The following GNA11 variants were observed in gnomAD, a reference collection of about 807,000 sequenced individuals.
The protein encoded by GNA11 is guanine nucleotide-binding protein subunit alpha-11.
In GNA11, 8 loss-of-function variants were observed where a neutral mutation model predicts 38.2. That is an observed-to-expected ratio of 0.21 (90% CI 0.12 to 0.38). GNA11 has a LOEUF of 0.38. Ranked by LOEUF, GNA11 falls within the 10% of genes least tolerant of loss-of-function variation. GNA11 has a pLI of 1.00. For synonymous variants in GNA11, 211 were observed against 221.4 expected, an observed-to-expected ratio of 0.95 and a Z score of 0.42; for missense variants, 268 against 516.3, an observed-to-expected ratio of 0.52 and a Z score of 4.66.
Position 3,121,053 on chromosome 19 carries a change from C to A in GNA11, c.954C>A (p.Pro318=), listed in dbSNP as rs755586030. Residue 318 remains proline, a synonymous_variant, in exon 7 of 7, where the codon CCC becomes CCA. Coordinates refer to ENST00000078429, the MANE Select transcript of GNA11 (RefSeq NM_002067.5). ...TGAAGATGTTCGTGGACCTGAACCC[C>A]GACAGCGACAAGATCATCTACTCAC... ...FILKMFVDLN[P]DSDKIIYSHF... The A allele has an allele frequency of 6.2e-7, 1 of 1,613,728 alleles. No homozygotes were observed.
chr19:3,121,694 G>A lies in GNA11; in HGVS notation c.*515G>A, dbSNP rs1035291309. On this transcript the variant is annotated 3_prime_UTR_variant, in exon 7 of 7. Transcript: ENST00000078429. ...ATCACAAAAGGCGTGGAGACTCGGA[G>A]ACGGACGTTTTTCCCCTTTTTTAAG... 8.6e-6 allele frequency: 2 copies of A among 232,804 alleles called. No homozygotes were observed. The highest frequency in any genetic ancestry group is 4.4e-5 in the African/African-American group (2 of 45,264). 14.4% of individuals were successfully genotyped at this position (232,804 alleles called of 1,614,324 possible).
chr19:3,113,179 G>T, intron 2 of GNA11, 151 bp from the exon 3 acceptor site: 1 of 689,248 alleles, frequency 1.5e-6, no homozygotes, highest in Non-Finnish European at 2.5e-6. Context: ...TTTCTGACAC[G>T]TGTTCACACG....
chr19:3,099,014 G>C (rs549192915), intron 1 of GNA11, among the ~76,000 whole-genome samples: 1 of 152,242 alleles, frequency 6.6e-6, no homozygotes, highest in Non-Finnish European at 1.5e-5. Context: ...CCTCCTGCCC[G>C]GCTCTGCCGG....
Position 3,110,108 on chromosome 19 carries a change from G to A in GNA11, c.137-41G>A, listed in dbSNP as rs933651595. 17 of 1,515,974 alleles carry A rather than the reference G, an allele frequency of 1.1e-5. No homozygotes were observed. Among genetic ancestry groups the A allele is most frequent in the Non-Finnish European group, 1.4e-5 (16 of 1,116,060 alleles). The allele number at this position is 1,515,974 out of a possible 1,614,324, so 93.9% of individuals were successfully genotyped here. A position where few individuals can be genotyped will look rare whatever the true frequency, so the allele number is the denominator to read the frequency against. ...AGAGGGGGCAGCAGCACGAGAGTCA[G>A]GCCCCGGCTGCCGCCCGCCCTCACG... On this transcript the variant is annotated intron_variant, in intron 1 of 6. Coordinates refer to ENST00000078429, the MANE Select transcript of GNA11 (RefSeq NM_002067.5). This position sits in a 1 kb window ranked among gnomAD's most constrained non-coding sequence, Gnocchi z 5.4.
rs949077178 is a variant in GNA11 at position 3,122,952 on chromosome 19, C to CT, written c.*1773_*1774insT. ...GACGGGGCTGGCGGGATACCCCCCC[C>CT]CCGGCTTCCCCACACCACTTCTGTC... On this transcript the variant is annotated 3_prime_UTR_variant, in exon 7 of 7. Coordinates refer to ENST00000078429, the MANE Select transcript of GNA11 (RefSeq NM_002067.5). The surrounding 1 kb of genome is among the most constrained non-coding windows in gnomAD (Gnocchi z 7.7). The CT allele has an allele frequency of 4.3e-6, 1 of 233,568 alleles. No individual in the cohort carries two copies. The highest frequency in any genetic ancestry group is 6.0e-5 in the East Asian group (1 of 16,582). The allele number at this position is 233,568 out of a possible 1,614,324, so 14.5% of individuals were successfully genotyped here.
chr19:3,105,924 G>T (rs1006500822), intron 1 of GNA11, among the ~76,000 whole-genome samples: 3 of 152,200 alleles, frequency 2.0e-5, no homozygotes, highest in Non-Finnish European at 2.9e-5. Flanking sequence ...GATGAGGGCC[G>T]GCAAGGGGCT....
At chr19:3,109,282 CA>C (rs1449829029) in intron 1 of GNA11, among the ~76,000 whole-genome samples, 1 of 152,176 alleles carries the variant, frequency 6.6e-6, no homozygotes, top group Non-Finnish European at 1.5e-5. Flanking sequence ...TGAGGACCCC[CA>C]TGTCACCCAG....
At chr19:3,105,956 C>T (rs777528288) in intron 1 of GNA11, among the ~76,000 whole-genome samples, 10 of 152,052 alleles carry the variant, frequency 6.6e-5, no homozygotes, top group East Asian at 5.8e-4. Flanking sequence ...CAGAGTGAGG[C>T]GGCATCTCGG....
At chr19:3,097,804 T>C (rs2145303846) in intron 1 of GNA11, among the ~76,000 whole-genome samples, 1 of 152,110 alleles carries the variant, frequency 6.6e-6, no homozygotes. Flanking sequence ...CGGGGCCCTG[T>C]GCACATTGGT....
chr19:3,111,374 G>C (rs559085976), intron 2 of GNA11, among the ~76,000 whole-genome samples: 1 of 152,142 alleles, frequency 6.6e-6, no homozygotes, highest in Non-Finnish European at 1.5e-5. Flanking sequence ...TGCCTCTGTG[G>C]ATCGGTCTGT....
At chr19:3,113,069 C>T (rs1913814436) in intron 2 of GNA11, among the ~76,000 whole-genome samples, 4 of 152,240 alleles carry the variant, frequency 2.6e-5, no homozygotes, top group African/African-American at 4.8e-5. Flanking sequence ...AGAAGTGAAT[C>T]GAAGCCCGGC....
chr19:3,099,340 C>G (rs1431263500), intron 1 of GNA11, among the ~76,000 whole-genome samples: 1 of 152,222 alleles, frequency 6.6e-6, no homozygotes, highest in East Asian at 1.9e-4. Context: ...CCTTGTATGG[C>G]TTGCCCACCT....
rs762312604 is a variant in GNA11, at chr19:3,123,545, C to T, written c.*2366C>T. 3 of 233,132 alleles carry T rather than the reference C, an allele frequency of 1.3e-5. No individual in the cohort carries two copies. The highest frequency in any genetic ancestry group is 2.5e-5 in the Non-Finnish European group (3 of 118,036). The allele number at this position is 233,132 out of a possible 1,614,324, so 14.4% of individuals were successfully genotyped here. ...TACCTTGGTGAATCTCACCTGCCAA[C>T]GATTTCTCGTGAGTGCCGACCACCT... On this transcript the variant is annotated 3_prime_UTR_variant, in exon 7 of 7. Coordinates refer to ENST00000078429, the MANE Select transcript of GNA11 (RefSeq NM_002067.5).
rs749176772 is a variant in GNA11, at chr19:3,120,952, G to A, written c.890-37G>A. ...GCCCACGAGTCCCTTGCCCTGGGCCGGGCTGGGGCACAGCCTCACCCTCTG... is the reference window on the plus strand; with the variant it reads ...GCCCACGAGTCCCTTGCCCTGGGCCAGGCTGGGGCACAGCCTCACCCTCTG... On this transcript the variant is annotated intron_variant, in intron 6 of 6. Coordinates refer to ENST00000078429, the MANE Select transcript of GNA11 (RefSeq NM_002067.5). The surrounding 1 kb of genome is among the most constrained non-coding windows in gnomAD (Gnocchi z 5.9). 22 of 1,547,256 alleles carry A rather than the reference G, an allele frequency of 1.4e-5. No homozygotes were observed. Among genetic ancestry groups the A allele is most frequent in the Admixed American group, 1.7e-5 (1 of 58,920 alleles).
chr19:3,117,901 A>T lies in GNA11; in HGVS notation c.606-1023A>T, dbSNP rs1263765934. ...GGGGACAAGACACGGGGGGACCCGG[A>T]TCCCAGCCCTGCCGGCCGCCGCAGG... is the stretch of plus-strand genomic sequence containing the variant. On this transcript the variant is annotated intron_variant, in intron 4 of 6. Coordinates refer to ENST00000078429, the MANE Select transcript of GNA11 (RefSeq NM_002067.5). 2 of 152,306 alleles carry T rather than the reference A, an allele frequency of 1.3e-5. 1 individual carries two copies. The highest frequency in any genetic ancestry group is 4.8e-5 in the African/African-American group (2 of 41,462). The allele number at this position is 152,306 out of a possible 1,614,324, so 9.4% of individuals were successfully genotyped here.
intron 1 of GNA11, among the ~76,000 whole-genome samples, chr19:3,099,743 G>A (rs1913456445): frequency 6.6e-6 from 1 of 152,214 alleles, no homozygotes; most frequent in South Asian, 2.1e-4. Context: ...TGCTGTGGGG[G>A]TTCCTGGTCC....
intron 4 of GNA11, among the ~76,000 whole-genome samples, chr19:3,116,448 C>CGCATCCTTG (rs56958857): frequency 0.024 from 3,577 of 152,042 alleles, 66 homozygotes; most frequent in Non-Finnish European, 0.036. Flanking sequence ...TAGTGGCGGC[C>CGCATCCTTG]GCATCCTTGG....
chr19:3,104,248 C>G (rs999750731), intron 1 of GNA11, among the ~76,000 whole-genome samples: 3 of 152,250 alleles, frequency 2.0e-5, no homozygotes, highest in African/African-American at 7.2e-5. Context: ...GCACGGACTT[C>G]GTTCCTCCTG....
rs2145329259 is a variant in GNA11, at chr19:3,121,124, C to T, written c.1025C>T (p.Ala342Val). 11 of 1,613,822 alleles carry T rather than the reference C, an allele frequency of 6.8e-6. No individual in the cohort carries two copies. The highest frequency in any genetic ancestry group is 1.1e-5 in the South Asian group (1 of 91,082). The change falls in exon 7 of 7, where the codon GCG becomes GTG. Residue 342 changes from alanine to valine, a missense_variant. By Grantham distance (64) the Ala-to-Val change is moderately conservative. Coordinates refer to ENST00000078429, the MANE Select transcript of GNA11 (RefSeq NM_002067.5). ...TDTENIRFVF[A>V]AVKDTILQLN... ...ACGGAGAACATCCGCTTCGTGTTCG[C>T]GGCCGTGAAGGACACCATCCTGCAG... is the stretch of plus-strand genomic sequence containing the variant.
Sources: gnomAD v4.1 joint callset for allele counts (sites outside exome capture counted in the v4.1 genomes callset) on GRCh38, gnomAD v4.1.1 for gene constraint, Gnocchi (gnomAD v3.1) non-coding constraint, MANE v1.5 for transcripts, NCBI Gene and HGNC (gene_info 2026-07-23, HGNC 2026-07-21) for gene names.